The following UACA variants were observed in gnomAD, a reference collection of about 807,000 sequenced individuals.
UACA encodes the protein nuclear membrane binding protein.
Under a neutral mutation model 160.5 loss-of-function variants are expected in UACA, and 112 were observed. The observed-to-expected ratio is 0.70, with a 90% CI of 0.60 to 0.82. UACA has a LOEUF of 0.82. UACA is among the 40% of genes least tolerant of loss of function. The probability of loss-of-function intolerance (pLI) is 0.00; values close to 1 mark genes in which losing one functional copy is unlikely to be tolerated. For synonymous variants in UACA, 557 were observed against 568.4 expected, an observed-to-expected ratio of 0.98 and a Z score of 0.29; for missense variants, 1,574 against 1,614.6, an observed-to-expected ratio of 0.97 and a Z score of 0.43.
intron 1 of UACA, among the ~76,000 whole-genome samples, chr15:70,721,343 C>T (rs1339879346): frequency 1.3e-5 from 2 of 151,958 alleles, no homozygotes; most frequent in African/African-American, 4.8e-5. Context: ...ACTACAGTTG[C>T]GGATGGGCGC....
At chr15:70,722,420 T>C (rs1289704452) in intron 1 of UACA, among the ~76,000 whole-genome samples, 1 of 151,816 alleles carries the variant, frequency 6.6e-6, no homozygotes, top group African/African-American at 2.4e-5. Context: ...TAGGCTCAAA[T>C]GAGCCTCTCA....
rs561275447 is a variant in UACA at position 70,702,955 on chromosome 15, T to C, written c.79-3295A>G. ...TGCCTAATATAACAAGTAAATATTTTATCAGTGAAAAGTCAAATTACCTGG... is the reference window on the plus strand; with the variant it reads ...TGCCTAATATAACAAGTAAATATTTCATCAGTGAAAAGTCAAATTACCTGG... On this transcript the variant is annotated intron_variant, in intron 1 of 18. Transcript: ENST00000322954. 4.9e-4 allele frequency among the ~76,000 whole-genome samples: 74 copies of C among 152,268 alleles called. 1 individual carries two copies. The highest frequency in any genetic ancestry group is 9.4e-4 in the Non-Finnish European group (64 of 68,028).
At chr15:70,686,484 C>CTTTTTT (rs59586401) in intron 7 of UACA, among the ~76,000 whole-genome samples, 85 of 104,682 alleles carry the variant, frequency 8.1e-4, no homozygotes, top group Middle Eastern at 0.013. Flanking sequence ...AGCCAGGGTT[C>CTTTTTT]TTTTTTTTTT....
intron 1 of UACA, among the ~76,000 whole-genome samples, chr15:70,743,233 A>C (rs2141004043): frequency 6.6e-6 from 1 of 152,354 alleles, no homozygotes; most frequent in Non-Finnish European, 1.5e-5. Flanking sequence ...TTTGAGCCAG[A>C]GAAAACTTTA....
intron 1 of UACA, among the ~76,000 whole-genome samples, chr15:70,762,400 A>C (rs1208352672): frequency 6.6e-6 from 1 of 152,264 alleles, no homozygotes; most frequent in African/African-American, 2.4e-5. Context: ...CAACTCCTTT[A>C]CGTTCGACTC....
chr15:70,778,570 G>A, the UACA span, among the ~76,000 whole-genome samples: 5 of 152,156 alleles, frequency 3.3e-5, no homozygotes, highest in Admixed American at 2.0e-4. Context: ...AAGGAGGCAG[G>A]TGATTAGATT....
At chr15:70,765,881 A>G (rs1758971601), upstream of UACA, among the ~76,000 whole-genome samples, 1 of 152,114 alleles carries the variant, frequency 6.6e-6, no homozygotes, top group Admixed American at 6.5e-5. Flanking sequence ...CTTAAATGTT[A>G]ATTGCTTACA....
Position 70,667,041 on chromosome 15 carries a change from AT to A in UACA, c.3642del (p.Leu1215Ter), listed in dbSNP as rs773412063. 15 of 1,613,200 alleles carry A rather than the reference AT, an allele frequency of 9.3e-6. No homozygotes were observed. The highest frequency in any genetic ancestry group is 1.3e-5 in the Non-Finnish European group (15 of 1,179,870). ...LQSEVQNTKQALKKLETREVV... is the reference protein window; with the variant it reads ...LQSEVQNTKQXLKKLETREVV... ...ACCTCTCTAGTCTCTAATTTTTTTA[AT>A]GCTTGTTTAGTATTCTGAACCTCCG... On this transcript the variant is annotated frameshift_variant, in exon 16 of 19. Transcript: ENST00000322954. LOFTEE classifies it high-confidence loss of function.
chr15:70,718,304 G>T (rs564857728), intron 1 of UACA, among the ~76,000 whole-genome samples: 219 of 144,642 alleles, frequency 1.5e-3, no homozygotes, highest in Non-Finnish European at 2.5e-3. Flanking sequence ...GGGAGAGAGG[G>T]AGAGGGAGAG....
upstream of UACA, among the ~76,000 whole-genome samples, chr15:70,764,573 T>C (rs1000166032): frequency 6.6e-6 from 1 of 152,222 alleles, no homozygotes; most frequent in East Asian, 1.9e-4. Context: ...AAAGGACTCT[T>C]TTTTGTCTGA....
chr15:70,708,672 T>C (rs1211374251), intron 1 of UACA, among the ~76,000 whole-genome samples: 3 of 152,180 alleles, frequency 2.0e-5, no homozygotes, highest in African/African-American at 7.2e-5. Flanking sequence ...GATTTTGCCA[T>C]GTTGGCCAGG....
intron 7 of UACA, among the ~76,000 whole-genome samples, chr15:70,687,032 T>C (rs147459097): frequency 5.7e-4 from 87 of 152,108 alleles, no homozygotes; most frequent in African/African-American, 2.0e-3. Flanking sequence ...AATGGACAGG[T>C]TCAGAGTAGG....
chr15:70,741,319 T>A (rs1315137320), intron 1 of UACA, among the ~76,000 whole-genome samples: 1 of 152,210 alleles, frequency 6.6e-6, no homozygotes, highest in Non-Finnish European at 1.5e-5. Context: ...TATCTCTGTG[T>A]CCCTTCAAAG....
In UACA at chr15:70,655,553, T is replaced by G. The variant is rs549305478; in HGVS notation, c.*1503A>C. 1 of 152,254 alleles carries G rather than the reference T, an allele frequency of 6.6e-6. No homozygotes were observed. Among genetic ancestry groups the G allele is most frequent in the Admixed American group, 6.5e-5 (1 of 15,286 alleles). The allele number at this position is 152,254 out of a possible 1,614,324, so 9.4% of individuals were successfully genotyped here. ...ACTTTTTTAATTTATATTTTATTTT[T>G]TATTGAAATAGGTGGCCCAAAACTT... is the stretch of plus-strand genomic sequence containing the variant. On this transcript the variant is annotated 3_prime_UTR_variant, in exon 19 of 19. Transcript: ENST00000322954.
At chr15:70,754,255 T>C (rs1023255357) in intron 1 of UACA, 61 of 423,190 alleles carry the variant, frequency 1.4e-4, no homozygotes, top group Admixed American at 5.1e-4. Flanking sequence ...TGGTTAGACT[T>C]AGGATTTTTT....
At chr15:70,694,279 A>ATTTGATGTACAAATTTC (rs1555412272) in intron 3 of UACA, among the ~76,000 whole-genome samples, 2 of 150,932 alleles carry the variant, frequency 1.3e-5, no homozygotes, top group East Asian at 1.9e-4. Flanking sequence ...AAAGGTCTAC[A>ATTTGATGTACAAATTTC]TTTGATGTAC....
chr15:70,745,158 G>A (rs1188550325), intron 1 of UACA, among the ~76,000 whole-genome samples: 4 of 152,100 alleles, frequency 2.6e-5, no homozygotes, highest in African/African-American at 7.2e-5. Flanking sequence ...CAGGCCAGGC[G>A]CAGTGGCTCA....
At chr15:70,713,075 T>C (rs931375260) in intron 1 of UACA, among the ~76,000 whole-genome samples, 1 of 152,326 alleles carries the variant, frequency 6.6e-6, no homozygotes, top group Admixed American at 6.5e-5. Context: ...CCGGGCGCAG[T>C]GGCTCACGCC....
chr15:70,729,921 A>G (rs1359575971), intron 1 of UACA, among the ~76,000 whole-genome samples: 1 of 115,118 alleles, frequency 8.7e-6, no homozygotes, highest in Non-Finnish European at 1.7e-5. Context: ...ACAGACCTGC[A>G]GCTGAGGGTC....
Sources: gnomAD v4.1 joint callset for allele counts (sites outside exome capture counted in the v4.1 genomes callset) on GRCh38, gnomAD v4.1.1 for gene constraint, MANE v1.5 for transcripts, NCBI Gene and HGNC (gene_info 2026-07-23, HGNC 2026-07-21) for gene names.